Variants in DAPK1 observed in about 807,000 individuals in gnomAD.
DAPK1 encodes the protein death associated protein kinase 1.
In DAPK1, 56 loss-of-function variants were observed where a neutral mutation model predicts 144.9. The observed-to-expected ratio is 0.39, with a 90% CI of 0.31 to 0.48. The LOEUF (loss-of-function observed/expected upper bound fraction) is 0.48, where lower values mean the gene tolerates loss of function less well. Ranked by LOEUF, DAPK1 falls within the 20% of genes least tolerant of loss-of-function variation. The pLI, the probability that DAPK1 is intolerant of heterozygous loss-of-function variation, is 0.95. For synonymous variants in DAPK1, 690 were observed against 749.0 expected (o/e 0.92, Z 1.29); for missense variants, 1,454 against 1,875.4 (o/e 0.78, Z 4.15).
intron 3 of DAPK1, among the ~76,000 whole-genome samples, chr9:87,620,280 C>T (rs1390499860): frequency 6.6e-6 from 1 of 152,208 alleles, no homozygotes; most frequent in East Asian, 1.9e-4. Flanking sequence ...CGTGTGACAG[C>T]CTTAGCACCT....
intron 2 of DAPK1, among the ~76,000 whole-genome samples, chr9:87,560,207 G>T (rs1826861448): frequency 6.6e-6 from 1 of 151,800 alleles, no homozygotes; most frequent in Non-Finnish European, 1.5e-5. Context: ...TGTTGACCAG[G>T]GTGGTCTAGA....
At chr9:87,539,460 C>T (rs752587359) in intron 2 of DAPK1, among the ~76,000 whole-genome samples, 48 of 125,558 alleles carry the variant, frequency 3.8e-4, no homozygotes, top group Non-Finnish European at 5.9e-4. Flanking sequence ...GACAGAGTCT[C>T]GCTCTGTCAC....
intron 2 of DAPK1, among the ~76,000 whole-genome samples, chr9:87,562,296 A>G (rs1230303414): frequency 3.3e-5 from 5 of 152,250 alleles, no homozygotes; most frequent in Non-Finnish European, 7.3e-5. Flanking sequence ...AACGTGAGTT[A>G]GTTGGAGCCT....
chr9:87,505,448 T>A (rs370897717), intron 2 of DAPK1, among the ~76,000 whole-genome samples: 184 of 152,266 alleles, frequency 1.2e-3, no homozygotes, highest in African/African-American at 4.2e-3. Context: ...CAGGCTAGAG[T>A]GTAGTGGCGT....
chr9:87,643,531 T>A, intron 11 of DAPK1, 63 bp downstream of exon 11: 1 of 1,061,086 alleles, frequency 9.4e-7, no homozygotes, highest in Non-Finnish European at 1.4e-6. Flanking sequence ...ATGACCAAGC[T>A]GTTCTATTTG....
At chr9:87,605,269 G>A (rs1828675822) in intron 3 of DAPK1, 94 bp downstream of exon 3, 1 of 1,005,526 alleles carries the variant, frequency 9.9e-7, no homozygotes, top group African/African-American at 1.6e-5. Context: ...GAGCCCGAGA[G>A]AGGGATCAGG....
chr9:87,682,821 T>C (rs1824689109), intron 20 of DAPK1, among the ~76,000 whole-genome samples: 1 of 152,154 alleles, frequency 6.6e-6, no homozygotes, highest in African/African-American at 2.4e-5. Context: ...GAGGGGTCAG[T>C]TGGCTTCTCT....
chr9:87,609,797 G>A (rs552290718), intron 3 of DAPK1, among the ~76,000 whole-genome samples: 5 of 152,294 alleles, frequency 3.3e-5, no homozygotes, highest in East Asian at 1.9e-4. Context: ...AGTAGTTTCC[G>A]TGTGGATATA....
intron 2 of DAPK1, among the ~76,000 whole-genome samples, chr9:87,561,264 C>A (rs370279776): frequency 1.8e-4 from 27 of 152,266 alleles, no homozygotes; most frequent in African/African-American, 6.3e-4. Flanking sequence ...TAGTGGCTCA[C>A]GCTTGTAATC....
intron 18 of DAPK1, among the ~76,000 whole-genome samples, chr9:87,665,438 TC>T (rs1831017543): frequency 6.6e-6 from 1 of 152,216 alleles, no homozygotes; most frequent in Non-Finnish European, 1.5e-5. Flanking sequence ...TAACAAAAAA[TC>T]CATATTTTCC....
chr9:87,605,538 CTGTT>C lies in DAPK1; in HGVS notation c.284+369_284+372del, dbSNP rs1239183250. On this transcript the variant is annotated intron_variant, in intron 3 of 25. Coordinates refer to ENST00000408954, the MANE Select transcript of DAPK1 (RefSeq NM_004938.4). ...CTCTCACTCTATTCCTTTCCTCTCT[CTGTT>C]TGTTTTTCTGCCTTTCTTCCTCTGT... Among the ~76,000 whole-genome samples the C allele has an allele frequency of 6.6e-5, 10 of 150,900 alleles. No individual in the cohort carries two copies. The East Asian group carries it at 7.9e-4, about 12-fold the overall frequency.
intron 2 of DAPK1, among the ~76,000 whole-genome samples, chr9:87,593,759 T>G (rs542238627): frequency 1.3e-4 from 20 of 152,370 alleles, no homozygotes; most frequent in African/African-American, 4.6e-4. Flanking sequence ...TCAATTTTTT[T>G]TCAGCCGAGA....
At chr9:87,540,285 G>A (rs1016944051) in intron 2 of DAPK1, among the ~76,000 whole-genome samples, 1 of 138,166 alleles carries the variant, frequency 7.2e-6, no homozygotes, top group Non-Finnish European at 1.5e-5. Flanking sequence ...TGCCTCCCGC[G>A]CCCAAGTGAT....
intron 2 of DAPK1, among the ~76,000 whole-genome samples, chr9:87,527,973 A>G (rs1186096047): frequency 6.6e-6 from 1 of 152,264 alleles, no homozygotes; most frequent in Non-Finnish European, 1.5e-5. Flanking sequence ...ATTAAATTTC[A>G]GAAACCTTTT....
chr9:87,522,542 C>A (rs534714953), intron 2 of DAPK1, among the ~76,000 whole-genome samples: 60 of 152,226 alleles, frequency 3.9e-4, no homozygotes, highest in Non-Finnish European at 7.2e-4. Flanking sequence ...ATTTATTTAA[C>A]CCTTTCTGTC....
At chr9:87,665,773 G>T (rs1213924614) in intron 18 of DAPK1, among the ~76,000 whole-genome samples, 3 of 152,156 alleles carry the variant, frequency 2.0e-5, no homozygotes, top group Non-Finnish European at 1.5e-5. Context: ...GGGAATCACT[G>T]CCCACAGTCT....
intron 23 of DAPK1, among the ~76,000 whole-genome samples, chr9:87,699,708 T>C (rs1825390248): frequency 6.6e-6 from 1 of 152,232 alleles, no homozygotes; most frequent in African/African-American, 2.4e-5. Flanking sequence ...ATGGGGCTTC[T>C]ATTAATATTT....
chr9:87,548,942 GCTTTTAA>G (rs1316470888), intron 2 of DAPK1, among the ~76,000 whole-genome samples: 2 of 37,712 alleles, frequency 5.3e-5, no homozygotes, highest in Non-Finnish European at 1.2e-4. Context: ...TTTTTTTTTG[GCTTTTAA>G]CTTTTAAGTT....
intron 20 of DAPK1, among the ~76,000 whole-genome samples, chr9:87,684,428 T>C (rs1474021656): frequency 6.6e-6 from 1 of 152,234 alleles, no homozygotes; most frequent in African/African-American, 2.4e-5. Flanking sequence ...GAGAGATGCC[T>C]ACATGGCAAC....
Sources: allele counts gnomAD v4.1 joint callset (sites outside exome capture counted in the v4.1 genomes callset), GRCh38; gene constraint gnomAD v4.1.1; transcripts MANE v1.5; gene names NCBI Gene and HGNC (gene_info 2026-07-23, HGNC 2026-07-21).